PACRG: variants seen among roughly 807,000 people sequenced by gnomAD.
PACRG encodes the protein parkin coregulated, also known as parkin coregulated gene protein.
Under a neutral mutation model 29.7 loss-of-function variants are expected in PACRG, and 29 were observed. The ratio of observed to expected loss-of-function variants is 0.98; its 90% CI spans 0.73 to 1.33. The LOEUF is 1.33. PACRG is among the 40% of genes most tolerant of loss of function. The pLI is 0.00. For missense variants in PACRG, 279 were observed against 316.2 expected, an observed-to-expected ratio of 0.88 and a Z score of 0.89; for synonymous variants, 116 against 118.7, an observed-to-expected ratio of 0.98 and a Z score of 0.15.
chr6:162,893,614 G>T (rs923638249), intron 2 of PACRG, among the ~76,000 whole-genome samples: 1 of 152,138 alleles, frequency 6.6e-6, no homozygotes, highest in Admixed American at 6.5e-5. Context: ...GTACTAAGTT[G>T]CTTTTCTTCC....
In PACRG at chr6:162,786,072, G is replaced by A. The variant is rs183280480; in HGVS notation, c.157-28075G>A. Among the ~76,000 whole-genome samples the A allele has an allele frequency of 2.3e-3, 349 of 152,310 alleles. 2 individuals are homozygous for A. The highest frequency in any genetic ancestry group is 3.8e-3 in the Non-Finnish European group (257 of 68,012). Reference sequence around the variant, plus strand: ...TTCCTAAAGGGAAGTGTTTGTTGTGGTTACCTTGTCCTGTTCCACCATAGT... The same window carrying A: ...TTCCTAAAGGGAAGTGTTTGTTGTGATTACCTTGTCCTGTTCCACCATAGT... On this transcript the variant is annotated intron_variant, in intron 1 of 4. Coordinates refer to ENST00000366888, the MANE Select transcript of PACRG (RefSeq NM_001080379.2).
chr6:162,778,994 A>G (rs1783872983), intron 1 of PACRG, among the ~76,000 whole-genome samples: 1 of 152,194 alleles, frequency 6.6e-6, no homozygotes, highest in Non-Finnish European at 1.5e-5. Flanking sequence ...TATTAAGTTC[A>G]GCACCCATTA....
intron 2 of PACRG, among the ~76,000 whole-genome samples, chr6:162,883,048 A>C (rs1473702278): frequency 6.6e-6 from 1 of 152,172 alleles, no homozygotes; most frequent in Non-Finnish European, 1.5e-5. Flanking sequence ...TCAGCCTTGG[A>C]GCAGTGTCTG....
intron 1 of PACRG, among the ~76,000 whole-genome samples, chr6:162,735,144 C>A (rs1369142041): frequency 2.6e-5 from 4 of 152,094 alleles, no homozygotes; most frequent in Admixed American, 2.6e-4. Flanking sequence ...CCATCGCTTC[C>A]TCGATGGGTA....
chr6:162,822,974 G>A (rs1006436817), intron 2 of PACRG, among the ~76,000 whole-genome samples: 2 of 151,902 alleles, frequency 1.3e-5, no homozygotes, highest in Non-Finnish European at 2.9e-5. Flanking sequence ...CTCATTTTCT[G>A]TAGAAATTCC....
At chr6:162,780,725 A>T (rs1161685250) in intron 1 of PACRG, among the ~76,000 whole-genome samples, 1 of 152,108 alleles carries the variant, frequency 6.6e-6, no homozygotes, top group Non-Finnish European at 1.5e-5. Context: ...ATCCAAATCA[A>T]TTTTTAGAGT....
At chr6:162,787,609 T>TATATATAC (rs2128321745) in intron 1 of PACRG, among the ~76,000 whole-genome samples, 1 of 140,694 alleles carries the variant, frequency 7.1e-6, no homozygotes, top group East Asian at 2.1e-4. Context: ...TATATATATA[T>TATATATAC]ATATATATAT....
At chr6:163,007,589 T>C (rs1236350858) in intron 2 of PACRG, among the ~76,000 whole-genome samples, 1 of 152,184 alleles carries the variant, frequency 6.6e-6, no homozygotes, top group Non-Finnish European at 1.5e-5. Flanking sequence ...CTATACTGAC[T>C]GCAGACTTTC....
chr6:163,067,463 A>G (rs531190434), intron 3 of PACRG, among the ~76,000 whole-genome samples: 1 of 152,246 alleles, frequency 6.6e-6, no homozygotes, highest in Non-Finnish European at 1.5e-5. Context: ...ACACAACTTT[A>G]AGATTTTAGG....
intron 2 of PACRG, among the ~76,000 whole-genome samples, chr6:162,977,690 G>T (rs1403041991): frequency 1.3e-5 from 2 of 151,816 alleles, no homozygotes; most frequent in Non-Finnish European, 2.9e-5. Context: ...AGCACAATGG[G>T]GATACTCAGT....
rs560926125 is a variant in PACRG, at chr6:163,099,296, C to A, written c.613+9888C>A. ...TGGCACATTTCCCAATCAGAGATTG[C>A]GACCAATTCAGCTAAGGCCTTACAG... On this transcript the variant is annotated intron_variant, in intron 4 of 4. Transcript: ENST00000366888. Among the ~76,000 whole-genome samples the A allele has an allele frequency of 3.3e-5, 5 of 152,128 alleles. No individual in the cohort carries two copies. In the East Asian group the frequency reaches 9.6e-4, roughly 29 times the overall value.
intron 1 of PACRG, among the ~76,000 whole-genome samples, chr6:162,780,483 G>GT (rs1445330392): frequency 6.6e-6 from 1 of 152,022 alleles, no homozygotes; most frequent in Admixed American, 6.6e-5. Flanking sequence ...TTCTTAGCCT[G>GT]TAAAAAGTAA....
At chr6:162,764,887 G>A (rs1782660427) in intron 1 of PACRG, among the ~76,000 whole-genome samples, 1 of 151,776 alleles carries the variant, frequency 6.6e-6, no homozygotes, top group Admixed American at 6.6e-5. Context: ...GGGATTACAG[G>A]CACCTGCCAC....
rs1271483256 is a variant in PACRG, at chr6:163,269,831, G to GAA, written c.614-44994_614-44993dup. 3.1e-4 allele frequency among the ~76,000 whole-genome samples: 10 copies of GAA among 32,520 alleles called. 1 individual carries two copies. Among genetic ancestry groups the GAA allele is most frequent in the South Asian group, 2.8e-3 (3 of 1,074 alleles). 21.3% of individuals were successfully genotyped at this position (32,520 alleles called of 152,430 possible). ...AAGGAAGGAAGGAAGGAGAAAGAAA[G>GAA]AAAGAAAAAGAAAGAAAGAAAGAAA... On this transcript the variant is annotated intron_variant, in intron 4 of 4. Transcript: ENST00000366888.
At chr6:163,089,637 G>A (rs555574802) in intron 4 of PACRG, among the ~76,000 whole-genome samples, 1 of 152,130 alleles carries the variant, frequency 6.6e-6, no homozygotes, top group East Asian at 1.9e-4. Flanking sequence ...ACTCAGTACA[G>A]AAGTGCTGAA....
At chr6:163,235,132 G>A (rs1009953258) in intron 4 of PACRG, among the ~76,000 whole-genome samples, 1 of 152,160 alleles carries the variant, frequency 6.6e-6, no homozygotes, top group East Asian at 1.9e-4. Flanking sequence ...GAAATGAGAA[G>A]GGGCTCACCT....
chr6:162,808,648 T>C (rs1162312077), intron 1 of PACRG, among the ~76,000 whole-genome samples: 1 of 152,178 alleles, frequency 6.6e-6, no homozygotes, highest in Non-Finnish European at 1.5e-5. Context: ...TATTTCAAAC[T>C]GCATTCAATA....
chr6:162,768,742 C>T (rs1782988667), intron 1 of PACRG, among the ~76,000 whole-genome samples: 1 of 151,920 alleles, frequency 6.6e-6, no homozygotes. Context: ...GGGGGTGTTA[C>T]CTGTCCTTCT....
intron 4 of PACRG, among the ~76,000 whole-genome samples, chr6:163,272,889 A>ATTTTTTTTT (rs1301093605): frequency 8.5e-6 from 1 of 117,394 alleles, no homozygotes; most frequent in Non-Finnish European, 1.8e-5. Flanking sequence ...ATGATGCATC[A>ATTTTTTTTT]TTCTTTTTTT....
Sources: allele counts gnomAD v4.1 joint callset (sites outside exome capture counted in the v4.1 genomes callset), GRCh38; gene constraint gnomAD v4.1.1; transcripts MANE v1.5; gene names NCBI Gene and HGNC (gene_info 2026-07-23, HGNC 2026-07-21).